Variants in ZNF385D observed in about 807,000 individuals in gnomAD.
The protein encoded by ZNF385D is zinc finger protein 659.
ZNF385D carries 15 observed loss-of-function variants against 35.8 expected under a neutral mutation model. The observed-to-expected ratio is 0.42, with a 90% CI of 0.28 to 0.64. The LOEUF is 0.64. ZNF385D is among the 30% of genes least tolerant of loss of function. The pLI, the probability that ZNF385D is intolerant of heterozygous loss-of-function variation, is 0.23. For synonymous variants in ZNF385D, 212 were observed against 186.8 expected (o/e 1.13, Z -1.10); for missense variants, 474 against 494.6 (o/e 0.96, Z 0.39).
At chr3:21,614,788 C>T (rs2064796340) in intron 2 of ZNF385D, among the ~76,000 whole-genome samples, 1 of 152,194 alleles carries the variant, frequency 6.6e-6, no homozygotes, top group Non-Finnish European at 1.5e-5. Context: ...GGGGTTTTAC[C>T]ATGTTGGCCA....
chr3:21,719,756 T>C (rs965059306), intron 1 of ZNF385D, among the ~76,000 whole-genome samples: 4 of 152,202 alleles, frequency 2.6e-5, no homozygotes, highest in Non-Finnish European at 5.9e-5. Context: ...GAGTATAATG[T>C]CTATTCTGCA....
intron 3 of ZNF385D, among the ~76,000 whole-genome samples, chr3:22,164,462 C>T (rs923148369): frequency 2.0e-5 from 3 of 151,774 alleles, no homozygotes; most frequent in South Asian, 2.1e-4. Flanking sequence ...CTCTTGACCT[C>T]GTGATCTGGC....
intron 3 of ZNF385D, among the ~76,000 whole-genome samples, chr3:21,905,535 A>C (rs1699640189): frequency 6.7e-6 from 1 of 148,922 alleles, no homozygotes; most frequent in South Asian, 2.1e-4. Context: ...ACTCTTCAGA[A>C]TCTGGAAGAT....
intron 3 of ZNF385D, among the ~76,000 whole-genome samples, chr3:21,921,116 G>A (rs911925003): frequency 2.6e-5 from 4 of 151,150 alleles, no homozygotes; most frequent in African/African-American, 7.3e-5. Flanking sequence ...CCAGCTACTC[G>A]GGAGGCTGAG....
chr3:21,736,231 A>G lies in ZNF385D; in HGVS notation c.22+14664T>C, dbSNP rs1228627752. ...TGTTTGTAAACAGCTCAAGAGCTCA[A>G]TAGATGGTGACATCATCGCTGCTTG... On this transcript the variant is annotated intron_variant, in intron 1 of 7. Coordinates refer to ENST00000281523, the MANE Select transcript of ZNF385D (RefSeq NM_024697.3). Among the ~76,000 whole-genome samples, 9 of 152,354 alleles carry G rather than the reference A, an allele frequency of 5.9e-5. No homozygotes were observed. The South Asian group carries it at 1.4e-3, about 25-fold the overall frequency.
intron 3 of ZNF385D, among the ~76,000 whole-genome samples, chr3:22,002,157 G>A (rs186976466): frequency 2.1e-4 from 32 of 151,258 alleles, no homozygotes; most frequent in African/African-American, 6.8e-4. Flanking sequence ...GAAATGAAAA[G>A]TTGATTTTCA....
chr3:22,263,438 A>T (rs1156283245), intron 2 of ZNF385D, among the ~76,000 whole-genome samples: 1 of 151,692 alleles, frequency 6.6e-6, no homozygotes, highest in Non-Finnish European at 1.5e-5. Context: ...CCTTAGAGAG[A>T]CTTTCTTTGA....
At chr3:21,454,447 T>C (rs1157692994) in intron 4 of ZNF385D, among the ~76,000 whole-genome samples, 1 of 152,128 alleles carries the variant, frequency 6.6e-6, no homozygotes, top group African/African-American at 2.4e-5. Context: ...ACTTTATCTT[T>C]TTCTACCCTT....
chr3:21,950,868 T>C (rs1037819953), intron 3 of ZNF385D, among the ~76,000 whole-genome samples: 1 of 151,694 alleles, frequency 6.6e-6, no homozygotes, highest in African/African-American at 2.4e-5. Context: ...ATTTGTGGCA[T>C]TATTTCTGAG....
intron 2 of ZNF385D, among the ~76,000 whole-genome samples, chr3:21,607,057 G>GTTT (rs1455854131): frequency 6.6e-6 from 1 of 152,136 alleles, no homozygotes; most frequent in African/African-American, 2.4e-5. Context: ...CACTTACAGA[G>GTTT]TAGACAATTT....
intron 4 of ZNF385D, among the ~76,000 whole-genome samples, chr3:21,461,709 C>A (rs1000664147): frequency 6.6e-6 from 1 of 152,338 alleles, no homozygotes; most frequent in South Asian, 2.1e-4. Context: ...CAAATTTGCG[C>A]AGCAACTAAT....
At chr3:22,244,369 A>T (rs1219734486) in intron 2 of ZNF385D, among the ~76,000 whole-genome samples, 1 of 67,314 alleles carries the variant, frequency 1.5e-5, no homozygotes, top group African/African-American at 7.7e-5. Context: ...GAATGTAAAA[A>T]AAAAAAAAAA....
intron 2 of ZNF385D, among the ~76,000 whole-genome samples, chr3:22,329,692 T>A (rs1559523527): frequency 6.6e-6 from 1 of 152,190 alleles, no homozygotes; most frequent in Non-Finnish European, 1.5e-5. Flanking sequence ...ATCAACACTG[T>A]CCACTAGAAA....
At position 21,823,316 on chromosome 3, in the gene ZNF385D, A is replaced by C. The variant is rs371678184; in HGVS notation, c.326-158288T>G. On this transcript the variant is annotated intron_variant, in intron 3 of 5. Coordinates refer to the ZNF385D transcript ENST00000494108. ...ATTTTAGGTTTAAATCACTGTAGCCAAATCTTCACTATGATAATTATTTGG... is the reference window on the plus strand; with the variant it reads ...ATTTTAGGTTTAAATCACTGTAGCCCAATCTTCACTATGATAATTATTTGG... Among the ~76,000 whole-genome samples, 21 of 152,254 alleles carry C rather than the reference A, an allele frequency of 1.4e-4. No homozygotes were observed. The South Asian group carries it at 4.4e-3, about 32-fold the overall frequency.
At chr3:21,789,938 C>A (rs935513803) in intron 3 of ZNF385D, among the ~76,000 whole-genome samples, 1 of 151,372 alleles carries the variant, frequency 6.6e-6, no homozygotes, top group East Asian at 1.9e-4. Flanking sequence ...AAGCTCTTAA[C>A]AGGAAATTGG....
At chr3:22,038,845 T>C (rs901956425) in intron 3 of ZNF385D, among the ~76,000 whole-genome samples, 22 of 151,346 alleles carry the variant, frequency 1.5e-4, no homozygotes, top group Non-Finnish European at 2.4e-4. Flanking sequence ...ATGGTCATTA[T>C]TGTGTCTATC....
At chr3:21,440,244 C>T (rs762246703) in intron 4 of ZNF385D, among the ~76,000 whole-genome samples, 2 of 152,098 alleles carry the variant, frequency 1.3e-5, no homozygotes, top group Non-Finnish European at 2.9e-5. Context: ...ATTGTCCACA[C>T]ATTAAAATAG....
chr3:22,196,429 G>T (rs549600544), intron 2 of ZNF385D, among the ~76,000 whole-genome samples: 1 of 151,918 alleles, frequency 6.6e-6, no homozygotes, highest in African/African-American at 2.4e-5. Flanking sequence ...ACATATATTT[G>T]AATTTAAATC....
At chr3:21,868,041 T>C (rs898908454) in intron 3 of ZNF385D, among the ~76,000 whole-genome samples, 2 of 152,166 alleles carry the variant, frequency 1.3e-5, no homozygotes, top group Non-Finnish European at 2.9e-5. Flanking sequence ...CTAAAATATA[T>C]GCATATATGT....
Sources: allele counts gnomAD v4.1 joint callset (sites outside exome capture counted in the v4.1 genomes callset), GRCh38; gene constraint gnomAD v4.1.1; transcripts MANE v1.5; gene names NCBI Gene and HGNC (gene_info 2026-07-23, HGNC 2026-07-21).